PTPRD: variants seen among roughly 807,000 people sequenced by gnomAD.
PTPRD encodes the protein protein tyrosine phosphatase receptor type D.
PTPRD carries 34 observed loss-of-function variants against 214.5 expected under a neutral mutation model. The observed-to-expected ratio is 0.16, with a 90% CI of 0.12 to 0.21. The LOEUF (loss-of-function observed/expected upper bound fraction) is 0.21. PTPRD is among the 10% of genes least tolerant of loss of function. The probability of loss-of-function intolerance (pLI) is 1.00; values close to 1 mark genes in which losing one functional copy is unlikely to be tolerated. For missense variants in PTPRD, 2,545 were observed against 2,398.7 expected (o/e 1.06, Z -1.27); for synonymous variants, 1,128 against 845.7 (o/e 1.33, Z -5.79).
chr9:10,554,231 C>T (rs2131249273), intron 2 of PTPRD, among the ~76,000 whole-genome samples: 1 of 152,248 alleles, frequency 6.6e-6, no homozygotes. Flanking sequence ...TAAATTGGCT[C>T]TTTTTCAGGA....
At chr9:9,672,829 C>T (rs938834041) in intron 7 of PTPRD, among the ~76,000 whole-genome samples, 3 of 151,794 alleles carry the variant, frequency 2.0e-5, no homozygotes, top group Non-Finnish European at 4.4e-5. Context: ...TTTCTAATGC[C>T]TGAAAATGGA....
chr9:8,483,917 GTTAAA>G (rs1245178613), intron 30 of PTPRD, among the ~76,000 whole-genome samples, 197 bp downstream of exon 30: 1 of 152,218 alleles, frequency 6.6e-6, no homozygotes, highest in East Asian at 1.9e-4. Context: ...AAAACTCACT[GTTAAA>G]TTAATGAAAA....
chr9:9,257,608 A>G (rs1418003139), intron 9 of PTPRD, among the ~76,000 whole-genome samples: 1 of 151,996 alleles, frequency 6.6e-6, no homozygotes, highest in African/African-American at 2.4e-5. Flanking sequence ...ACTGGGCAGC[A>G]TAGTGAGACC....
chr9:8,717,007 T>C (rs1442440473), intron 12 of PTPRD, among the ~76,000 whole-genome samples: 1 of 151,916 alleles, frequency 6.6e-6, no homozygotes. Flanking sequence ...GTCTACAAAA[T>C]AATACAAAAA....
At chr9:8,787,897 T>A in intron 11 of PTPRD, among the ~76,000 whole-genome samples, 1 of 61,026 alleles carries the variant, frequency 1.6e-5, no homozygotes, top group Admixed American at 1.4e-4. Flanking sequence ...AAAGGAAGCA[T>A]TTTGCACCCT....
chr9:9,898,527 CTCTAGATTACG>C (rs1361209162), intron 5 of PTPRD, among the ~76,000 whole-genome samples: 1 of 152,026 alleles, frequency 6.6e-6, no homozygotes, highest in African/African-American at 2.4e-5. Context: ...TCATATGAAG[CTCTAGATTACG>C]CTCTAGATGC....
chr9:9,262,825 T>C (rs1242751540), intron 9 of PTPRD, among the ~76,000 whole-genome samples: 1 of 151,698 alleles, frequency 6.6e-6, no homozygotes, highest in Admixed American at 6.6e-5. Flanking sequence ...AGATACCCTT[T>C]GGTTTCCTGA....
chr9:8,950,388 A>G (rs946652194), intron 11 of PTPRD, among the ~76,000 whole-genome samples: 1 of 152,086 alleles, frequency 6.6e-6, no homozygotes, highest in Non-Finnish European at 1.5e-5. Flanking sequence ...ATTTAGGAAC[A>G]TATGGAGAAG....
At chr9:9,023,631 A>G (rs2099576904) in intron 10 of PTPRD, among the ~76,000 whole-genome samples, 1 of 152,020 alleles carries the variant, frequency 6.6e-6, no homozygotes, top group Non-Finnish European at 1.5e-5. Flanking sequence ...AGTACCCACT[A>G]GGCAGCTTTT....
At chr9:8,586,736 G>A (rs924383099) in intron 14 of PTPRD, among the ~76,000 whole-genome samples, 2 of 152,090 alleles carry the variant, frequency 1.3e-5, no homozygotes, top group African/African-American at 2.4e-5. Flanking sequence ...ATTTGCCAAC[G>A]GCATTGCTAG....
intron 3 of PTPRD, among the ~76,000 whole-genome samples, chr9:10,259,124 A>G (rs924754815): frequency 5.3e-5 from 8 of 151,832 alleles, no homozygotes; most frequent in Non-Finnish European, 1.0e-4. Flanking sequence ...CCGGGTTCAC[A>G]CTATTCTTCT....
At chr9:8,549,042 A>C (rs1293462283) in intron 14 of PTPRD, among the ~76,000 whole-genome samples, 1 of 152,096 alleles carries the variant, frequency 6.6e-6, no homozygotes, top group Non-Finnish European at 1.5e-5. Context: ...TTCACATTCT[A>C]AAAAGCAATC....
intron 5 of PTPRD, among the ~76,000 whole-genome samples, chr9:9,877,481 T>C (rs2067222408): frequency 6.6e-6 from 1 of 152,106 alleles, no homozygotes; most frequent in African/African-American, 2.4e-5. Context: ...TTAGAACCAC[T>C]GTATGAGGTG....
chr9:8,539,839 G>A (rs2077933423), intron 14 of PTPRD, among the ~76,000 whole-genome samples: 1 of 152,094 alleles, frequency 6.6e-6, no homozygotes, highest in African/African-American at 2.4e-5. Flanking sequence ...TTCTGAACTG[G>A]AGCCTCTGTG....
At chr9:10,100,609 C>A (rs1327709391) in intron 3 of PTPRD, among the ~76,000 whole-genome samples, 2 of 151,574 alleles carry the variant, frequency 1.3e-5, no homozygotes, top group Admixed American at 6.6e-5. Flanking sequence ...CTGTAAGACT[C>A]TTTTTGTTAT....
chr9:10,019,575 C>T (rs1037583060), intron 4 of PTPRD, among the ~76,000 whole-genome samples: 37 of 152,136 alleles, frequency 2.4e-4, no homozygotes, highest in African/African-American at 8.2e-4. Flanking sequence ...GGCACATATA[C>T]ACCATGGAAT....
intron 2 of PTPRD, among the ~76,000 whole-genome samples, chr9:10,543,831 A>G (rs2059657013): frequency 6.6e-6 from 1 of 152,352 alleles, no homozygotes; most frequent in Non-Finnish European, 1.5e-5. Context: ...CTTAACAGAA[A>G]CATAAAATAC....
chr9:9,694,401 C>A (rs1363524604), intron 7 of PTPRD, among the ~76,000 whole-genome samples: 1 of 151,922 alleles, frequency 6.6e-6, no homozygotes, highest in East Asian at 1.9e-4. Context: ...TACATTTTCC[C>A]AAACATATGG....
chr9:8,857,332 C>A (rs1312175978), intron 11 of PTPRD, among the ~76,000 whole-genome samples: 1 of 152,174 alleles, frequency 6.6e-6, no homozygotes, highest in African/African-American at 2.4e-5. Flanking sequence ...ACTACGCCCA[C>A]CCTAGGAGGA....
Sources: allele counts gnomAD v4.1 joint callset (sites outside exome capture counted in the v4.1 genomes callset), GRCh38; gene constraint gnomAD v4.1.1; transcripts MANE v1.5; gene names NCBI Gene and HGNC (gene_info 2026-07-23, HGNC 2026-07-21).